STXBP4: variants seen among roughly 807,000 people sequenced by gnomAD.
The protein encoded by STXBP4 is syntaxin binding protein 4.
STXBP4 carries 55 observed loss-of-function variants against 76.1 expected under a neutral mutation model. The ratio of observed to expected loss-of-function variants is 0.72; its 90% confidence interval spans 0.58 to 0.91. The LOEUF (loss-of-function observed/expected upper bound fraction) is 0.91. Ranked by LOEUF, STXBP4 falls within the 40% of genes least tolerant of loss-of-function variation. The pLI is 0.00. For missense variants in STXBP4, 618 were observed against 636.9 expected (o/e 0.97, Z 0.32); for synonymous variants, 201 against 220.2 (o/e 0.91, Z 0.77).
the STXBP4 span, among the ~76,000 whole-genome samples, chr17:55,194,470 G>A: frequency 1.2e-4 from 18 of 152,246 alleles, no homozygotes; most frequent in African/African-American, 3.4e-4. Flanking sequence ...CCCCCATCCC[G>A]CATTGCTGCC....
At chr17:55,043,512 T>A in intron 11 of STXBP4, 187 bp downstream of exon 11, 1 of 1,077,980 alleles carries the variant, frequency 9.3e-7, no homozygotes, top group Non-Finnish European at 1.3e-6. Context: ...TCTACATATT[T>A]ATATTTCACA....
downstream of STXBP4, among the ~76,000 whole-genome samples, chr17:55,175,943 C>T (rs2080428576): frequency 1.3e-5 from 2 of 152,196 alleles, no homozygotes; most frequent in Non-Finnish European, 1.5e-5. Context: ...TCTACTTCCT[C>T]CTGAGGCACA....
Position 55,160,016 on chromosome 17 carries a change from T to C in STXBP4, c.*105T>C, listed in dbSNP as rs1225537658. 6.3e-6 allele frequency: 4 copies of C among 636,164 alleles called. No individual in the cohort carries two copies. The highest frequency in any genetic ancestry group is 6.0e-5 in the Admixed American group (2 of 33,432). 39.4% of individuals were successfully genotyped at this position (636,164 alleles called of 1,614,324 possible). On this transcript the variant is annotated 3_prime_UTR_variant, in exon 18 of 18. Transcript: ENST00000376352. ...AAAATAGGAGTAAAGCATGCACTAC[T>C]TGTTGAAGTGTGAAATGGAGACTCT...
At chr17:54,984,339 CTTTTTTTTTT>C (rs60222961) in intron 1 of STXBP4, among the ~76,000 whole-genome samples, 6,258 of 81,208 alleles carry the variant, frequency 0.077, 504 homozygotes, top group African/African-American at 0.24. Flanking sequence ...TTTCTTTTTT[CTTTTTTTTTT>C]TTTTTTTTTT....
At chr17:55,043,194 C>A in intron 10 of STXBP4, 42 bp from the exon 11 acceptor site, 1 of 1,002,660 alleles carries the variant, frequency 1.0e-6, no homozygotes, top group Non-Finnish European at 1.4e-6. Context: ...TCATAATTAG[C>A]ATCTAATGCA....
the STXBP4 span, among the ~76,000 whole-genome samples, chr17:55,205,821 C>T: frequency 6.6e-6 from 1 of 151,904 alleles, no homozygotes; most frequent in Non-Finnish European, 1.5e-5. Flanking sequence ...AGCTACTTTA[C>T]AATATTTATC....
chr17:55,086,156 A>G (rs2144939973), intron 16 of STXBP4, among the ~76,000 whole-genome samples: 1 of 152,322 alleles, frequency 6.6e-6, no homozygotes, highest in Middle Eastern at 3.4e-3. Flanking sequence ...GAAGAAAAGT[A>G]AAAAATTTCA....
intron 8 of STXBP4, among the ~76,000 whole-genome samples, chr17:55,019,009 C>G (rs557162894): frequency 6.6e-6 from 1 of 152,246 alleles, no homozygotes; most frequent in African/African-American, 2.4e-5. Flanking sequence ...TACAAAAATA[C>G]TTGGCTCATA....
At chr17:54,986,582 T>TA (rs1301345617) in intron 3 of STXBP4, among the ~76,000 whole-genome samples, 1 of 152,146 alleles carries the variant, frequency 6.6e-6, no homozygotes. Flanking sequence ...TTGTACCTGT[T>TA]AATAGCCACA....
chr17:55,159,725 A>AG, intron 17 of STXBP4, 72 bp from the exon 18 acceptor site: 2 of 978,590 alleles, frequency 2.0e-6, no homozygotes, highest in Non-Finnish European at 3.1e-6. Flanking sequence ...CAATGTCACC[A>AG]GGATCAGTAC....
intron 3 of STXBP4, 100 bp downstream of exon 3, chr17:54,986,366 T>C (rs1409265513): frequency 2.4e-6 from 2 of 833,314 alleles, no homozygotes; most frequent in Non-Finnish European, 3.9e-6. Context: ...CTCTCTAATG[T>C]GGTCTAGGAT....
chr17:55,096,662 T>C (rs1031131082), intron 16 of STXBP4, among the ~76,000 whole-genome samples: 2 of 152,016 alleles, frequency 1.3e-5, no homozygotes, highest in East Asian at 3.9e-4. Flanking sequence ...ACTTTAAAGC[T>C]TATTTTTTTA....
intron 12 of STXBP4, among the ~76,000 whole-genome samples, chr17:55,057,771 TC>T (rs1218207622): frequency 6.6e-6 from 1 of 152,222 alleles, no homozygotes; most frequent in Non-Finnish European, 1.5e-5. Context: ...TTCTCATTGT[TC>T]AACTCTCACT....
intron 16 of STXBP4, among the ~76,000 whole-genome samples, chr17:55,132,413 A>C (rs2787486): frequency 0.33 from 49,654 of 151,674 alleles, 8,375 homozygotes; most frequent in African/African-American, 0.42. Context: ...CTGGTCTCAA[A>C]CTCCTGACCT....
rs965286724 is a variant in STXBP4 at position 55,160,414 on chromosome 17, C to A, written c.*503C>A. On this transcript the variant is annotated 3_prime_UTR_variant, in exon 18 of 18. Coordinates refer to ENST00000376352, the MANE Select transcript of STXBP4 (RefSeq NM_178509.6). ...ACATCTCATGGGCTGATGAATACAG[C>A]TGGTATCTTTGTGGAGCTTTCTAAT... The A allele has an allele frequency of 6.6e-6, 1 of 152,640 alleles. No homozygotes were observed. The highest frequency in any genetic ancestry group is 2.4e-5 in the African/African-American group (1 of 41,410). 9.5% of individuals were successfully genotyped at this position (152,640 alleles called of 1,614,324 possible). A position where few individuals can be genotyped will look rare whatever the true frequency, so the allele number is the denominator to read the frequency against.
chr17:54,975,295 C>G (rs1163760250), intron 1 of STXBP4, among the ~76,000 whole-genome samples: 2 of 152,158 alleles, frequency 1.3e-5, no homozygotes, highest in Non-Finnish European at 2.9e-5. Context: ...GCGCATACCA[C>G]CATGCCCTGC....
chr17:55,041,469 C>T (rs530093347), intron 10 of STXBP4, among the ~76,000 whole-genome samples: 90 of 152,230 alleles, frequency 5.9e-4, no homozygotes, highest in Admixed American at 1.8e-3. Flanking sequence ...CCTCCAGCCT[C>T]GGCCTCCCAA....
At chr17:55,008,508 G>C (rs1183044795) in intron 8 of STXBP4, among the ~76,000 whole-genome samples, 1 of 152,020 alleles carries the variant, frequency 6.6e-6, no homozygotes, top group Non-Finnish European at 1.5e-5. Context: ...AGATTAACGA[G>C]AAAATAGCAT....
the STXBP4 span, among the ~76,000 whole-genome samples, chr17:55,209,012 G>A: frequency 2.6e-5 from 4 of 152,056 alleles, no homozygotes; most frequent in African/African-American, 7.2e-5. Flanking sequence ...AACCTGGGAG[G>A]TGGAGGCCAC....
Sources: gnomAD v4.1 joint callset for allele counts (sites outside exome capture counted in the v4.1 genomes callset) on GRCh38, gnomAD v4.1.1 for gene constraint, MANE v1.5 for transcripts, NCBI Gene and HGNC (gene_info 2026-07-23, HGNC 2026-07-21) for gene names.